The following DAB1 variants were observed in gnomAD, a reference collection of about 807,000 sequenced individuals.
The protein encoded by DAB1 is DAB adaptor protein 1.
In DAB1, 15 loss-of-function variants were observed where a neutral mutation model predicts 64.6. That is an observed-to-expected ratio of 0.23 (90% CI 0.16 to 0.36). The LOEUF (loss-of-function observed/expected upper bound fraction) is 0.36. Ranked by LOEUF, DAB1 falls within the 10% of genes least tolerant of loss-of-function variation. The pLI is 1.00. For missense variants in DAB1, 596 were observed against 706.7 expected (o/e 0.84, Z 1.78); for synonymous variants, 235 against 251.9 (o/e 0.93, Z 0.64).
chr1:57,602,557 A>T (rs1010972185), intron 7 of DAB1, among the ~76,000 whole-genome samples: 1 of 152,320 alleles, frequency 6.6e-6, no homozygotes, highest in East Asian at 1.9e-4. Flanking sequence ...AGCTGCAAGC[A>T]ACAGAAATGG....
At chr1:57,385,299 T>C (rs1681721497) in intron 1 of DAB1, among the ~76,000 whole-genome samples, 1 of 152,248 alleles carries the variant, frequency 6.6e-6, no homozygotes, top group South Asian at 2.1e-4. Flanking sequence ...TTCTTGAATT[T>C]GTATTAGCTC....
chr1:57,889,068 G>A (rs954138534), upstream of DAB1, among the ~76,000 whole-genome samples: 1 of 152,174 alleles, frequency 6.6e-6, no homozygotes, highest in East Asian at 1.9e-4. Flanking sequence ...ACATTTTACT[G>A]TATTATCCTG....
chr1:57,542,142 G>T (rs1295002925), intron 7 of DAB1, among the ~76,000 whole-genome samples: 1 of 152,182 alleles, frequency 6.6e-6, no homozygotes, highest in East Asian at 1.9e-4. Context: ...TTCTGAGAAA[G>T]TGCCCAAGGC....
chr1:58,148,725 T>C (rs1654752108), intron 5 of DAB1, among the ~76,000 whole-genome samples: 1 of 151,782 alleles, frequency 6.6e-6, no homozygotes, highest in East Asian at 1.9e-4. Flanking sequence ...TATAAAACCA[T>C]CGGATCTCTC....
chr1:58,272,682 C>T (rs969730142), intron 4 of DAB1, among the ~76,000 whole-genome samples: 9 of 149,334 alleles, frequency 6.0e-5, no homozygotes, highest in African/African-American at 9.8e-5. Flanking sequence ...AGGTCACTCA[C>T]GACTTGCTTT....
chr1:57,723,088 T>G (rs1647170702), intron 6 of DAB1, among the ~76,000 whole-genome samples: 1 of 152,200 alleles, frequency 6.6e-6, no homozygotes, highest in Non-Finnish European at 1.5e-5. Context: ...TGCCCAATTC[T>G]CAGCTCCCAG....
rs61007751 is a variant in DAB1 at position 57,636,096 on chromosome 1, C to CAAAAA, written n.625+13491_625+13495dup. ...TGGGCAAAAGAGCGAGACACGGTCTCAAAAAAAAAAAAAAAAACAAAAACA... is the reference window on the plus strand; with the variant it reads ...TGGGCAAAAGAGCGAGACACGGTCTCAAAAAAAAAAAAAAAAAAAAAACAAAAACA... On this transcript the variant is annotated intron_variant and non_coding_transcript_variant, in intron 7 of 20. Coordinates refer to the DAB1 transcript ENST00000485760. Among the ~76,000 whole-genome samples the CAAAAA allele has an allele frequency of 3.6e-3, 232 of 64,688 alleles. 6 individuals are homozygous for CAAAAA. Among genetic ancestry groups the CAAAAA allele is most frequent in the Middle Eastern group, 0.02 (2 of 102 alleles). The allele number at this position is 64,688 out of a possible 152,430, so 42.4% of individuals were successfully genotyped here.
At chr1:57,148,385 C>T (rs1051781381) in intron 2 of DAB1, among the ~76,000 whole-genome samples, 2 of 152,188 alleles carry the variant, frequency 1.3e-5, no homozygotes, top group African/African-American at 2.4e-5. Context: ...AGTAGATAAT[C>T]CAGTTTCTCA....
At chr1:57,129,217 C>T (rs908559773) in intron 4 of DAB1, among the ~76,000 whole-genome samples, 9 of 152,090 alleles carry the variant, frequency 5.9e-5, no homozygotes, top group African/African-American at 1.4e-4. Context: ...TTGTAACATC[C>T]CTTTTCCCCT....
intron 3 of DAB1, among the ~76,000 whole-genome samples, chr1:58,461,362 T>G (rs1177164038): frequency 6.6e-6 from 1 of 152,202 alleles, no homozygotes; most frequent in Non-Finnish European, 1.5e-5. Flanking sequence ...TAGAGTCTAG[T>G]TCTTTCTTTT....
chr1:58,344,151 GC>G (rs1025138972), intron 3 of DAB1, among the ~76,000 whole-genome samples: 2 of 152,024 alleles, frequency 1.3e-5, no homozygotes, highest in Admixed American at 6.6e-5. Flanking sequence ...TCTGAGTCTC[GC>G]TGTTCTCAAC....
intron 3 of DAB1, among the ~76,000 whole-genome samples, chr1:58,466,846 C>G (rs974243009): frequency 6.6e-6 from 1 of 152,180 alleles, no homozygotes; most frequent in Non-Finnish European, 1.5e-5. Flanking sequence ...TCTAAGCCCC[C>G]ACTAGTTGGG....
At chr1:57,061,531 G>A (rs944106733) in intron 9 of DAB1, among the ~76,000 whole-genome samples, 3 of 152,212 alleles carry the variant, frequency 2.0e-5, no homozygotes, top group African/African-American at 7.2e-5. Flanking sequence ...AGCTGGTCTA[G>A]CTATGAGCAG....
At chr1:57,567,962 T>C (rs994229424) in intron 7 of DAB1, among the ~76,000 whole-genome samples, 13 of 152,264 alleles carry the variant, frequency 8.5e-5, no homozygotes, top group Admixed American at 2.6e-4. Context: ...GAGCCCGCAT[T>C]GCCAAGACAA....
intron 7 of DAB1, among the ~76,000 whole-genome samples, chr1:57,511,176 C>G (rs1446733098): frequency 6.6e-6 from 1 of 152,152 alleles, no homozygotes; most frequent in African/African-American, 2.4e-5. Context: ...GTGGAACCAC[C>G]AAATAGATAG....
intron 5 of DAB1, among the ~76,000 whole-genome samples, chr1:57,926,728 A>ATT (rs1644885530): frequency 2.0e-5 from 3 of 152,236 alleles, no homozygotes; most frequent in Admixed American, 6.5e-5. Flanking sequence ...CTCTACTTAC[A>ATT]AAACCTTGTC....
In DAB1 at chr1:57,566,090, G is replaced by A. The variant is rs576643093; in HGVS notation, n.625+83502C>T. On this transcript the variant is annotated intron_variant and non_coding_transcript_variant, in intron 7 of 20. Coordinates refer to the DAB1 transcript ENST00000485760. Reference sequence around the variant, plus strand: ...AACAAATTGTCTCTCAGACCACACTGCAATCAAACTAGAACTCAGGATTAA... The same window carrying A: ...AACAAATTGTCTCTCAGACCACACTACAATCAAACTAGAACTCAGGATTAA... Among the ~76,000 whole-genome samples the A allele has an allele frequency of 2.6e-5, 4 of 152,312 alleles. No homozygotes were observed. The South Asian group carries it at 6.2e-4, about 24-fold the overall frequency.
rs566215454 is a variant in DAB1 at position 57,919,307 on chromosome 1, G to C, written n.388-35145C>G. Among the ~76,000 whole-genome samples the C allele has an allele frequency of 1.8e-4, 28 of 152,284 alleles. No homozygotes were observed. The South Asian group carries it at 5.8e-3, about 32-fold the overall frequency. ...GCTTAGGCCCTGTATTAATAGCTGG[G>C]GATGTAGAGATAAAGAAGCCACCAT... On this transcript the variant is annotated intron_variant and non_coding_transcript_variant, in intron 5 of 20. Coordinates refer to the DAB1 transcript ENST00000485760.
At chr1:57,423,499 C>A (rs1245665825) in intron 1 of DAB1, among the ~76,000 whole-genome samples, 1 of 151,854 alleles carries the variant, frequency 6.6e-6, no homozygotes, top group African/African-American at 2.4e-5. Context: ...TGGCCACCAG[C>A]GAGGGAGGGA....
Sources: allele counts gnomAD v4.1 joint callset (sites outside exome capture counted in the v4.1 genomes callset), GRCh38; gene constraint gnomAD v4.1.1; transcripts MANE v1.5; gene names NCBI Gene and HGNC (gene_info 2026-07-23, HGNC 2026-07-21).